UTP18: variants seen among roughly 807,000 people sequenced by gnomAD.
UTP18 encodes the protein UTP18 small subunit processome component.
Under a neutral mutation model 61.1 loss-of-function variants are expected in UTP18, and 36 were observed. The observed-to-expected ratio is 0.59, with a 90% CI of 0.45 to 0.78. The LOEUF (loss-of-function observed/expected upper bound fraction) is 0.78. UTP18 is among the 30% of genes least tolerant of loss of function. UTP18 has a pLI of 0.00. For synonymous variants in UTP18, 282 were observed against 251.1 expected, an observed-to-expected ratio of 1.12 and a Z score of -1.16; for missense variants, 753 against 693.9, an observed-to-expected ratio of 1.09 and a Z score of -0.96.
intron 4 of UTP18, among the ~76,000 whole-genome samples, chr17:51,271,883 G>A (rs932296612): frequency 2.0e-5 from 3 of 151,898 alleles, no homozygotes; most frequent in African/African-American, 7.3e-5. Flanking sequence ...GGTCAGGCTG[G>A]TCTCGAACTC....
chr17:51,285,494 T>A (rs1905076326), intron 10 of UTP18, 126 bp downstream of exon 10: 1 of 1,185,966 alleles, frequency 8.4e-7, no homozygotes, highest in Admixed American at 2.5e-5. Context: ...ATGAAATTGG[T>A]CAACCCAGCT....
intron 9 of UTP18, among the ~76,000 whole-genome samples, chr17:51,283,076 C>G (rs1904998993): frequency 6.6e-6 from 1 of 151,682 alleles, no homozygotes; most frequent in Non-Finnish European, 1.5e-5. Context: ...CTTGTGTTGC[C>G]CAGGCTGGTC....
At chr17:51,281,873 A>C (rs1904939515) in intron 9 of UTP18, among the ~76,000 whole-genome samples, 1 of 152,242 alleles carries the variant, frequency 6.6e-6, no homozygotes, top group African/African-American at 2.4e-5. Flanking sequence ...GATTCATTTG[A>C]AGGTTTTCTG....
intron 10 of UTP18, among the ~76,000 whole-genome samples, chr17:51,287,617 T>C (rs546796643): frequency 6.6e-6 from 1 of 152,192 alleles, no homozygotes; most frequent in African/African-American, 2.4e-5. Context: ...CCCACAAACC[T>C]TTAGGAATGC....
Position 51,296,950 on chromosome 17 carries a change from T to A in UTP18, c.1647-15T>A, listed in dbSNP as rs1905383224. 1.2e-6 allele frequency: 2 copies of A among 1,605,138 alleles called. No homozygotes were observed. The highest frequency in any genetic ancestry group is 1.3e-5 in the African/African-American group (1 of 74,236). On this transcript the variant is annotated splice_polypyrimidine_tract_variant and intron_variant, in intron 12 of 13. Coordinates refer to ENST00000225298, the MANE Select transcript of UTP18 (RefSeq NM_016001.3). ...TTACAAAGTTGTTCAGATGACTTAT[T>A]TTTTACTTTTCCAGGTTGCACCATT...
intron 3 of UTP18, 103 bp downstream of exon 3, chr17:51,266,383 A>G: frequency 1.3e-6 from 1 of 755,112 alleles, no homozygotes; most frequent in Non-Finnish European, 2.0e-6. Context: ...TGAAACAGTA[A>G]GAGGATTGCT....
intron 9 of UTP18, among the ~76,000 whole-genome samples, chr17:51,281,728 G>A (rs1348092739): frequency 6.6e-6 from 1 of 152,124 alleles, no homozygotes; most frequent in Non-Finnish European, 1.5e-5. Context: ...CATTGGGGGG[G>A]AACTGGTAAA....
chr17:51,268,631 G>T (rs1356487230), intron 3 of UTP18, among the ~76,000 whole-genome samples: 1 of 152,180 alleles, frequency 6.6e-6, no homozygotes, highest in Non-Finnish European at 1.5e-5. Flanking sequence ...AGTGGGCAGA[G>T]GTTCATGGAG....
chr17:51,266,570 A>T (rs2055563517), intron 3 of UTP18, among the ~76,000 whole-genome samples: 1 of 152,218 alleles, frequency 6.6e-6, no homozygotes, highest in Non-Finnish European at 1.5e-5. Flanking sequence ...ATTTTCAAAA[A>T]TTTAAATGGC....
chr17:51,288,224 T>A, intron 11 of UTP18, 21 bp downstream of exon 11: 3 of 1,521,104 alleles, frequency 2.0e-6, no homozygotes, highest in Non-Finnish European at 2.6e-6. Flanking sequence ...CATTACCCCT[T>A]TATTATTGTT....
In UTP18 at chr17:51,291,701, C is replaced by T. The variant is rs1905242650; in HGVS notation, c.1504-2202C>T. Among the ~76,000 whole-genome samples, 3 of 151,072 alleles carry T rather than the reference C, an allele frequency of 2.0e-5. No homozygotes were observed. The South Asian group carries it at 6.3e-4, about 32-fold the overall frequency. On this transcript the variant is annotated intron_variant, in intron 11 of 13. Coordinates refer to ENST00000225298, the MANE Select transcript of UTP18 (RefSeq NM_016001.3). ...AGTGAGCTGAGATCGCACCACTGTA[C>T]TCCAGCCTGGGCAACAGAGTGAGTG... is the stretch of plus-strand genomic sequence containing the variant.
intron 3 of UTP18, among the ~76,000 whole-genome samples, chr17:51,268,607 C>T (rs955290376): frequency 6.6e-6 from 1 of 152,056 alleles, no homozygotes; most frequent in Non-Finnish European, 1.5e-5. Flanking sequence ...AAATATGTAT[C>T]CAGGACTAGT....
intron 12 of UTP18, among the ~76,000 whole-genome samples, chr17:51,295,030 G>A (rs976912339): frequency 1.2e-3 from 182 of 151,824 alleles, no homozygotes; most frequent in African/African-American, 4.0e-3. Context: ...CATATCCTTC[G>A]CCCACTTTTT....
In UTP18 at chr17:51,260,866, G is replaced by A; in HGVS notation, c.282G>A (p.Leu94=). The change falls in exon 1 of 14, where the codon CTG becomes CTA. Residue 94 remains leucine, a synonymous_variant. Coordinates refer to ENST00000225298, the MANE Select transcript of UTP18 (RefSeq NM_016001.3). ...CCGTGGAGCGGTGCTTGGAGGAGCT[G>A]GTCTTCGGCGACGTCGAGAACGACG... The part of the protein sequence containing the change: ...KPAVERCLEE[L]VFGDVENDED... 1.9e-6 allele frequency: 3 copies of A among 1,601,894 alleles called. No individual in the cohort carries two copies. Among genetic ancestry groups the A allele is most frequent in the Non-Finnish European group, 2.6e-6 (3 of 1,175,188 alleles).
intron 9 of UTP18, among the ~76,000 whole-genome samples, chr17:51,283,911 G>C (rs1303584913): frequency 6.6e-6 from 1 of 152,170 alleles, no homozygotes; most frequent in Non-Finnish European, 1.5e-5. Flanking sequence ...CACCATGCCT[G>C]GCCATCTCAT....
chr17:51,276,616 C>G lies in UTP18; in HGVS notation c.838-514C>G, dbSNP rs75983132. On this transcript the variant is annotated intron_variant, in intron 6 of 13. Coordinates refer to ENST00000225298, the MANE Select transcript of UTP18 (RefSeq NM_016001.3). ...GCAACAATAAACAACAGACCTGGCC[C>G]TTCACTTCAGGATGTCACTCTCTGA... is the stretch of plus-strand genomic sequence containing the variant. Among the ~76,000 whole-genome samples, 998 of 152,278 alleles carry G rather than the reference C, an allele frequency of 6.6e-3. 16 individuals are homozygous for G. The highest frequency in any genetic ancestry group is 0.023 in the African/African-American group (956 of 41,554).
intron 4 of UTP18, among the ~76,000 whole-genome samples, chr17:51,271,920 G>A (rs1040249408): frequency 3.3e-5 from 5 of 151,870 alleles, no homozygotes; most frequent in Non-Finnish European, 7.4e-5. Context: ...CACTTGCCTC[G>A]GCCTCCCAAA....
In UTP18 at chr17:51,260,825, G is replaced by A. The variant is rs757773802; in HGVS notation, c.241G>A (p.Glu81Lys). 102 of 1,596,064 alleles carry A rather than the reference G, an allele frequency of 6.4e-5. No individual in the cohort carries two copies. The highest frequency in any genetic ancestry group is 8.5e-5 in the Non-Finnish European group (100 of 1,172,340). ...CCGGCAGCGGAACCGCCTGAGGCTG[G>A]AGGAGGACAAACCGGCCGTGGAGCG... ...RLRQRNRLRL[E>K]EDKPAVERCL... is the part of the protein sequence containing the mutation. The change falls in exon 1 of 14, where the codon GAG becomes AAG. Residue 81 changes from glutamate to lysine, a missense_variant. By Grantham distance (56) the Glu-to-Lys change is moderately conservative. Coordinates refer to ENST00000225298, the MANE Select transcript of UTP18 (RefSeq NM_016001.3).
intron 1 of UTP18, 33 bp downstream of exon 1, chr17:51,260,959 A>T (rs543452075): frequency 1.4e-6 from 2 of 1,457,874 alleles, no homozygotes; most frequent in African/African-American, 1.5e-5. Context: ...GGCTGGGCGC[A>T]CTCGGGCGGG....
Sources: gnomAD v4.1 joint callset for allele counts (sites outside exome capture counted in the v4.1 genomes callset) on GRCh38, gnomAD v4.1.1 for gene constraint, MANE v1.5 for transcripts, NCBI Gene and HGNC (gene_info 2026-07-23, HGNC 2026-07-21) for gene names.